Variants in DLG2 observed in about 807,000 individuals in gnomAD.
DLG2 encodes disks large homolog 2.
A neutral mutation model predicts 132.5 loss-of-function variants in DLG2; 45 were observed. The observed-to-expected ratio is 0.34, with a 90% CI of 0.27 to 0.44. The LOEUF (loss-of-function observed/expected upper bound fraction) is 0.44. Among genes scored for constraint, DLG2 ranks in the 20% least tolerant of loss-of-function variants. The pLI, the probability that DLG2 is intolerant of heterozygous loss-of-function variation, is 1.00. For synonymous variants in DLG2, 424 were observed against 419.6 expected (o/e 1.01, Z -0.13); for missense variants, 1,045 against 1,196.9 (o/e 0.87, Z 1.87).
chr11:84,249,471 C>G (rs2097344422), intron 8 of DLG2, among the ~76,000 whole-genome samples: 1 of 152,222 alleles, frequency 6.6e-6, no homozygotes, highest in South Asian at 2.1e-4. Flanking sequence ...TCTGGATTGA[C>G]TCTTGACTCT....
chr11:84,899,087 G>C (rs2090565333), intron 6 of DLG2, among the ~76,000 whole-genome samples: 2 of 151,922 alleles, frequency 1.3e-5, no homozygotes, highest in African/African-American at 4.8e-5. Context: ...CCGGCCAACA[G>C]AATAGATCAC....
At position 84,872,863 on chromosome 11, in the gene DLG2, C is replaced by T. The variant is rs957342746; in HGVS notation, c.357+238798G>A. ...TAAAGACACTAACTATAAGCAACTG[C>T]GATACATACATGGCTTTTTATGTGG... On this transcript the variant is annotated intron_variant, in intron 6 of 27. Coordinates refer to ENST00000376104, the MANE Select transcript of DLG2 (RefSeq NM_001142699.3). 2.0e-5 allele frequency among the ~76,000 whole-genome samples: 3 copies of T among 152,098 alleles called. No individual in the cohort carries two copies. The East Asian group carries it at 5.8e-4, about 29-fold the overall frequency.
At chr11:85,616,006 T>A (rs2081311221) in intron 2 of DLG2, among the ~76,000 whole-genome samples, 1 of 152,088 alleles carries the variant, frequency 6.6e-6, no homozygotes, top group South Asian at 2.1e-4. Flanking sequence ...CTTGATTTGA[T>A]CCTCACAATA....
At chr11:84,410,092 T>A (rs531386741) in intron 7 of DLG2, among the ~76,000 whole-genome samples, 1 of 152,238 alleles carries the variant, frequency 6.6e-6, no homozygotes, top group Non-Finnish European at 1.5e-5. Context: ...AATTACTGAC[T>A]GAACCCTGAT....
At chr11:84,631,720 G>T (rs1326568521) in intron 6 of DLG2, among the ~76,000 whole-genome samples, 1 of 152,098 alleles carries the variant, frequency 6.6e-6, no homozygotes, top group Non-Finnish European at 1.5e-5. Context: ...TATCTTCACT[G>T]AAAAGAAAGT....
At position 85,348,925 on chromosome 11, in the gene DLG2, T is replaced by C. The variant is rs540405937; in HGVS notation, c.41-63560A>G. 2.6e-5 allele frequency among the ~76,000 whole-genome samples: 4 copies of C among 152,306 alleles called. No individual in the cohort carries two copies. The East Asian group carries it at 5.8e-4, about 22-fold the overall frequency. On this transcript the variant is annotated intron_variant, in intron 3 of 27. Transcript: ENST00000376104. ...CTTTCTAACATGCAAATTTGATTAA[T>C]TTACTTCCCCTGTTTAAAAATCATT... is the stretch of plus-strand genomic sequence containing the variant.
intron 3 of DLG2, among the ~76,000 whole-genome samples, chr11:85,287,949 T>C (rs1047071823): frequency 1.3e-5 from 2 of 152,114 alleles, no homozygotes; most frequent in African/African-American, 4.8e-5. Context: ...TCCATACATA[T>C]ACATGTAACA....
chr11:83,475,424 G>C (rs1319485989), intron 22 of DLG2, among the ~76,000 whole-genome samples: 1 of 152,066 alleles, frequency 6.6e-6, no homozygotes, highest in East Asian at 1.9e-4. Context: ...AGATGAAGAA[G>C]CTGAGGCTCA....
At chr11:84,974,133 G>GTCTA (rs1373345269) in intron 6 of DLG2, among the ~76,000 whole-genome samples, 1 of 152,240 alleles carries the variant, frequency 6.6e-6, no homozygotes, top group African/African-American at 2.4e-5. Context: ...TCCAAGGCAG[G>GTCTA]ACTTGACTAG....
chr11:84,384,309 A>C (rs1365803486), intron 7 of DLG2, among the ~76,000 whole-genome samples: 1 of 152,014 alleles, frequency 6.6e-6, no homozygotes, highest in Non-Finnish European at 1.5e-5. Flanking sequence ...GTGCTGAACT[A>C]ATAAATATGG....
intron 18 of DLG2, among the ~76,000 whole-genome samples, chr11:83,735,888 G>C (rs7948831): frequency 0.36 from 54,517 of 151,950 alleles, 11,511 homozygotes; most frequent in African/African-American, 0.59. Context: ...TTAGCAATGG[G>C]ACTTGGAAAA....
At chr11:84,185,255 G>A (rs955378130) in intron 8 of DLG2, among the ~76,000 whole-genome samples, 5 of 152,140 alleles carry the variant, frequency 3.3e-5, no homozygotes, top group Non-Finnish European at 7.4e-5. Flanking sequence ...ATTGAGCAGT[G>A]ATATGTAGTT....
chr11:84,334,739 C>T (rs545392815), intron 7 of DLG2, among the ~76,000 whole-genome samples: 21 of 152,138 alleles, frequency 1.4e-4, no homozygotes, highest in African/African-American at 4.6e-4. Flanking sequence ...CTAATGGGAA[C>T]GACCTTGAAT....
At chr11:84,450,774 T>C (rs1279981154) in intron 7 of DLG2, among the ~76,000 whole-genome samples, 1 of 151,898 alleles carries the variant, frequency 6.6e-6, no homozygotes. Flanking sequence ...ACATCTATTT[T>C]TCATGGTTTC....
chr11:84,121,352 T>TA (rs1491432842), intron 9 of DLG2, among the ~76,000 whole-genome samples: 1 of 152,162 alleles, frequency 6.6e-6, no homozygotes, highest in Non-Finnish European at 1.5e-5. Context: ...GCAGGTACTC[T>TA]ATGTTTATTA....
At chr11:84,073,770 G>T (rs1275260788) in intron 10 of DLG2, among the ~76,000 whole-genome samples, 4 of 152,162 alleles carry the variant, frequency 2.6e-5, no homozygotes, top group Admixed American at 1.3e-4. Flanking sequence ...CTGAACTCAA[G>T]TATACCATGT....
At chr11:84,201,983 T>A (rs953519786) in intron 8 of DLG2, among the ~76,000 whole-genome samples, 1 of 151,740 alleles carries the variant, frequency 6.6e-6, no homozygotes, top group Non-Finnish European at 1.5e-5. Flanking sequence ...CACACCTGAC[T>A]AATTTTTGTA....
In DLG2 at chr11:84,714,672, T is replaced by C. The variant is rs1454021146; in HGVS notation, c.358-179941A>G. On this transcript the variant is annotated intron_variant, in intron 6 of 27. Coordinates refer to ENST00000376104, the MANE Select transcript of DLG2 (RefSeq NM_001142699.3). ...TTCTCTCTCTCTCTCTCTCTCTCTCTCTGCCTCCCCGCCCCACCCAAGACT... is the reference window on the plus strand; with the variant it reads ...TTCTCTCTCTCTCTCTCTCTCTCTCCCTGCCTCCCCGCCCCACCCAAGACT... 3.4e-5 allele frequency among the ~76,000 whole-genome samples: 5 copies of C among 146,552 alleles called. No homozygotes were observed. In the East Asian group the frequency reaches 9.9e-4, roughly 29 times the overall value.
intron 11 of DLG2, among the ~76,000 whole-genome samples, chr11:84,032,393 C>A (rs1439845226): frequency 6.6e-6 from 1 of 152,194 alleles, no homozygotes; most frequent in Non-Finnish European, 1.5e-5. Flanking sequence ...AAATATCAAA[C>A]TAGCCACACC....
Sources: gnomAD v4.1 joint callset for allele counts (sites outside exome capture counted in the v4.1 genomes callset) on GRCh38, gnomAD v4.1.1 for gene constraint, MANE v1.5 for transcripts, NCBI Gene and HGNC (gene_info 2026-07-23, HGNC 2026-07-21) for gene names.